The following RNFT2 variants were observed in gnomAD, a reference collection of about 807,000 sequenced individuals.
RNFT2 encodes E3 ubiquitin-protein ligase RNFT2.
A neutral mutation model predicts 53.0 loss-of-function variants in RNFT2; 36 were observed. The ratio of observed to expected loss-of-function variants is 0.68; its 90% CI spans 0.52 to 0.90. The LOEUF is 0.90. Ranked by LOEUF, RNFT2 falls within the 40% of genes least tolerant of loss-of-function variation. The probability of loss-of-function intolerance (pLI) is 0.00; values close to 1 mark genes in which losing one functional copy is unlikely to be tolerated. For missense variants in RNFT2, 514 were observed against 585.6 expected (o/e 0.88, Z 1.26); for synonymous variants, 260 against 253.2 (o/e 1.03, Z -0.26).
chr12:116,764,312 T>G (rs1362791594), intron 5 of RNFT2, among the ~76,000 whole-genome samples: 1 of 152,140 alleles, frequency 6.6e-6, no homozygotes, highest in Admixed American at 6.6e-5. Context: ...AAGAACTTAT[T>G]CATGTAATAC....
chr12:116,810,734 G>C (rs1042878722), intron 7 of RNFT2, among the ~76,000 whole-genome samples: 1 of 152,152 alleles, frequency 6.6e-6, no homozygotes, highest in Admixed American at 6.5e-5. Context: ...CTCCCTGAGG[G>C]GGCCTTGGAG....
chr12:116,774,734 C>T (rs1873347525), intron 6 of RNFT2, among the ~76,000 whole-genome samples: 1 of 147,634 alleles, frequency 6.8e-6, no homozygotes, highest in African/African-American at 2.6e-5. Context: ...AGATCTCATA[C>T]GCCGCATTCA....
At chr12:116,800,516 C>T (rs938193187) in intron 7 of RNFT2, among the ~76,000 whole-genome samples, 1 of 152,046 alleles carries the variant, frequency 6.6e-6, no homozygotes, top group Admixed American at 6.6e-5. Flanking sequence ...GCCTGTAATC[C>T]CAGCTACTCG....
At chr12:116,785,135 C>T (rs1555261541) in intron 7 of RNFT2, among the ~76,000 whole-genome samples, 1 of 152,026 alleles carries the variant, frequency 6.6e-6, no homozygotes, top group Non-Finnish European at 1.5e-5. Context: ...TGCACATGCC[C>T]TTCAGACCCC....
chr12:116,750,878 ATAT>A (rs1443288456), intron 4 of RNFT2, among the ~76,000 whole-genome samples: 3 of 3,218 alleles, frequency 9.3e-4, no homozygotes, highest in Non-Finnish European at 1.8e-3. Flanking sequence ...TATAATATAT[ATAT>A]TATATATATA....
At chr12:116,834,838 C>T (rs2137204445) in intron 8 of RNFT2, among the ~76,000 whole-genome samples, 1 of 149,284 alleles carries the variant, frequency 6.7e-6, no homozygotes, top group South Asian at 2.1e-4. Flanking sequence ...AAGGTACATA[C>T]TATTATTACT....
intron 10 of RNFT2, 145 bp from the exon 11 acceptor site, chr12:116,849,169 G>T: frequency 1.7e-6 from 1 of 599,040 alleles, no homozygotes; most frequent in Non-Finnish European, 3.0e-6. Context: ...TCAGTATTTT[G>T]GAGTCGCATT....
Position 116,759,941 on chromosome 12 carries a change from C to G in RNFT2, c.627+5881C>G, listed in dbSNP as rs535873477. ...TCGAGTTTCTATGGCCTTTGTCTTC[C>G]GCTACCAGGGTGGGTAGGAGGGAAG... is the stretch of plus-strand genomic sequence containing the variant. On this transcript the variant is annotated intron_variant, in intron 5 of 10. Transcript: ENST00000257575. Among the ~76,000 whole-genome samples the G allele has an allele frequency of 3.5e-4, 54 of 152,118 alleles. 1 individual carries two copies. Among genetic ancestry groups the G allele is most frequent in the Admixed American group, 3.5e-3 (54 of 15,268 alleles).
chr12:116,773,614 A>G (rs1023754638), intron 6 of RNFT2, among the ~76,000 whole-genome samples: 1 of 152,202 alleles, frequency 6.6e-6, no homozygotes, highest in Non-Finnish European at 1.5e-5. Flanking sequence ...GCTTTCCCTG[A>G]GGATGGCAGT....
chr12:116,825,031 C>G (rs1469398926), intron 7 of RNFT2, among the ~76,000 whole-genome samples: 3 of 152,166 alleles, frequency 2.0e-5, no homozygotes, highest in Non-Finnish European at 2.9e-5. Context: ...CTCTCCTCCC[C>G]ATGATATCTG....
At chr12:116,832,519 T>G (rs953134632) in intron 7 of RNFT2, among the ~76,000 whole-genome samples, 2 of 152,194 alleles carry the variant, frequency 1.3e-5, no homozygotes, top group Non-Finnish European at 2.9e-5. Context: ...ATAAAGCCAC[T>G]AAGGACATTG....
Position 116,849,657 on chromosome 12 carries a change from C to T in RNFT2, c.*209C>T. The T allele has an allele frequency of 7.8e-7, 1 of 1,277,944 alleles. No individual in the cohort carries two copies. Among genetic ancestry groups the T allele is most frequent in the Non-Finnish European group, 9.9e-7 (1 of 1,010,310 alleles). The allele number at this position is 1,277,944 out of a possible 1,614,324, so 79.2% of individuals were successfully genotyped here. On this transcript the variant is annotated 3_prime_UTR_variant, in exon 11 of 11. Transcript: ENST00000257575. ...GTGGTATAGTGCGTGCCTCCTTCCC[C>T]TGCAAAAGGGGACGTCTTCCTAACT...
intron 8 of RNFT2, among the ~76,000 whole-genome samples, chr12:116,834,666 G>T (rs962348071): frequency 1.3e-5 from 2 of 151,960 alleles, no homozygotes; most frequent in Non-Finnish European, 2.9e-5. Flanking sequence ...CATGTAATAG[G>T]TGCCCTTTTG....
chr12:116,780,439 C>T (rs145840731), intron 7 of RNFT2, among the ~76,000 whole-genome samples: 5 of 152,246 alleles, frequency 3.3e-5, no homozygotes, highest in African/African-American at 9.6e-5. Context: ...AATCTACTGC[C>T]GCAGCTGATC....
chr12:116,851,941 G>C lies in RNFT2; in HGVS notation c.*2493G>C. On this transcript the variant is annotated 3_prime_UTR_variant, in exon 11 of 11. Coordinates refer to ENST00000257575, the MANE Select transcript of RNFT2 (RefSeq NM_001382266.1). ...CCTGTGGACATTGCCATCCCCTCTG[G>C]TAGCCTTCAGAGCAAACAGGACAAC... The C allele has an allele frequency of 1.3e-6, 2 of 1,530,170 alleles. No homozygotes were observed. Among genetic ancestry groups the C allele is most frequent in the Non-Finnish European group, 1.7e-6 (2 of 1,144,712 alleles). The allele number at this position is 1,530,170 out of a possible 1,614,324, so 94.8% of individuals were successfully genotyped here.
rs532977937 is a variant in RNFT2 at position 116,833,675 on chromosome 12, G to A, written c.883-117G>A. ...GCTGGCCTGAGTGCTTTCCAGAGCT[G>A]ATTAATGGCCTGCCTGTGACCTAGA... On this transcript the variant is annotated intron_variant, in intron 7 of 10. Transcript: ENST00000257575. 3.8e-6 allele frequency: 4 copies of A among 1,051,968 alleles called. No individual in the cohort carries two copies. The South Asian group carries it at 5.7e-5, about 15-fold the overall frequency. 65.2% of individuals were successfully genotyped at this position (1,051,968 alleles called of 1,614,324 possible).
At chr12:116,825,727 C>A (rs1876292622) in intron 7 of RNFT2, among the ~76,000 whole-genome samples, 1 of 152,166 alleles carries the variant, frequency 6.6e-6, no homozygotes, top group Non-Finnish European at 1.5e-5. Context: ...TCCAGCACAG[C>A]ACTGCATGCA....
intron 7 of RNFT2, among the ~76,000 whole-genome samples, chr12:116,815,837 T>C (rs1351655796): frequency 6.6e-6 from 1 of 152,068 alleles, no homozygotes; most frequent in Non-Finnish European, 1.5e-5. Context: ...GTGATTGATA[T>C]GACTTCGGCA....
intron 4 of RNFT2, among the ~76,000 whole-genome samples, chr12:116,750,846 TATA>T (rs1872181886): frequency 1.5e-3 from 3 of 1,982 alleles, no homozygotes; most frequent in African/African-American, 2.6e-3. Flanking sequence ...ATATTATATA[TATA>T]TAATATATAT....
Sources: allele counts gnomAD v4.1 joint callset (sites outside exome capture counted in the v4.1 genomes callset), GRCh38; gene constraint gnomAD v4.1.1; transcripts MANE v1.5; gene names NCBI Gene and HGNC (gene_info 2026-07-23, HGNC 2026-07-21).